Variants in CEP135 observed in about 807,000 individuals in gnomAD.
CEP135 encodes centrosomal protein 135, also known as centrosomal protein of 135 kDa.
CEP135 carries 142 observed loss-of-function variants against 157.3 expected under a neutral mutation model. The ratio of observed to expected loss-of-function variants is 0.90; its 90% CI spans 0.79 to 1.04. The LOEUF (loss-of-function observed/expected upper bound fraction) is 1.04. CEP135 is among the 50% of genes least tolerant of loss of function. The probability of loss-of-function intolerance (pLI) is 0.00; values close to 1 mark genes in which losing one functional copy is unlikely to be tolerated. For synonymous variants in CEP135, 396 were observed against 439.8 expected, an observed-to-expected ratio of 0.90 and a Z score of 1.25; for missense variants, 1,317 against 1,309.2, an observed-to-expected ratio of 1.01 and a Z score of -0.09.
intron 14 of CEP135, among the ~76,000 whole-genome samples, chr4:55,987,557 C>T (rs1445912104): frequency 6.6e-6 from 1 of 152,096 alleles, no homozygotes; most frequent in Non-Finnish European, 1.5e-5. Context: ...CATTTGTTTC[C>T]TGTCTCTCAG....
In CEP135 at chr4:55,951,961, A is replaced by G. The variant is rs542394333; in HGVS notation, c.-45-125A>G. ...CATTGGCTTTAAATCTGAATTTTCC[A>G]GAAGGCTACCTACCTGAAGAAAAAC... On this transcript the variant is annotated intron_variant, in intron 1 of 25. Transcript: ENST00000257287. The G allele has an allele frequency of 3.2e-4, 147 of 456,536 alleles. 2 individuals carry two copies. The highest frequency in any genetic ancestry group is 6.3e-4 in the Admixed American group (17 of 26,886). 28.3% of individuals were successfully genotyped at this position (456,536 alleles called of 1,614,324 possible). A position where few individuals can be genotyped will look rare whatever the true frequency, so the allele number is the denominator to read the frequency against.
intron 17 of CEP135, among the ~76,000 whole-genome samples, chr4:56,001,511 A>G (rs917270969): frequency 6.6e-6 from 1 of 152,164 alleles, no homozygotes; most frequent in African/African-American, 2.4e-5. Context: ...TATTGAAAAG[A>G]CTGCCCTGTC....
At position 55,999,501 on chromosome 4, in the gene CEP135, C is replaced by A; in HGVS notation, c.2136C>A (p.Asn712Lys). 6.2e-7 allele frequency: 1 copy of A among 1,611,558 alleles called. No homozygotes were observed. Among genetic ancestry groups the A allele is most frequent in the Non-Finnish European group, 8.5e-7 (1 of 1,179,466 alleles). Residue 712 changes from asparagine (N) to lysine (K), a missense_variant, in exon 17 of 26, where the codon AAC (asparagine) becomes AAA (lysine). Physicochemically the swap from Asn to Lys is moderately conservative, Grantham distance 94 (BLOSUM62 0). Coordinates refer to ENST00000257287, the MANE Select transcript of CEP135 (RefSeq NM_025009.5). ...KILEEKIDEL[N>K]LKMTSQDEEA... ...TCTTTTCATTTGTAGATGAACTAAA[C>A]CTTAAGATGACTTCACAGGATGAGG...
intron 5 of CEP135, 99 bp downstream of exon 5, chr4:55,957,463 C>A: frequency 9.3e-7 from 1 of 1,078,644 alleles, no homozygotes; most frequent in Non-Finnish European, 1.3e-6. Context: ...ACTGTTGTGT[C>A]TCCAGTGTCT....
At chr4:55,960,068 T>G (rs974583040) in intron 6 of CEP135, 7 of 489,084 alleles carry the variant, frequency 1.4e-5, no homozygotes, top group Non-Finnish European at 2.5e-5. Context: ...TCGATTCTCT[T>G]CACTATTCAT....
At chr4:56,014,215 A>G (rs552146248) in intron 21 of CEP135, among the ~76,000 whole-genome samples, 1 of 152,376 alleles carries the variant, frequency 6.6e-6, no homozygotes, top group East Asian at 1.9e-4. Context: ...AAACTAATAC[A>G]GATTATAGCA....
chr4:55,973,675 A>G (rs1729098834), intron 10 of CEP135, among the ~76,000 whole-genome samples: 1 of 152,026 alleles, frequency 6.6e-6, no homozygotes, highest in African/African-American at 2.4e-5. Flanking sequence ...CACCCATTCC[A>G]ATACAAAAAC....
chr4:55,976,114 C>A (rs1006582165), intron 11 of CEP135, among the ~76,000 whole-genome samples: 1 of 151,750 alleles, frequency 6.6e-6, no homozygotes, highest in African/African-American at 2.4e-5. Context: ...ATTAGCTGAG[C>A]ATAGTGGCAT....
chr4:56,020,904 C>A (rs968932761), intron 24 of CEP135, 124 bp downstream of exon 24: 3 of 640,168 alleles, frequency 4.7e-6, no homozygotes, highest in Admixed American at 6.6e-5. Context: ...AAGTACATTT[C>A]TTTGGTAATT....
In CEP135 at chr4:56,009,893, G is replaced by C. The variant is rs776179703; in HGVS notation, c.2495G>C (p.Arg832Thr). ...RLQDDLATMA[R>T]ENQEISLELE... ...CAAGATGACCTGGCTACAATGGCAA[G>C]AGAAAATCAAGTATGAACACAAGGC... The change falls in exon 19 of 26, where the codon AGA becomes ACA. Residue 832 changes from arginine (R) to threonine (T), a missense_variant. Coordinates refer to ENST00000257287, the MANE Select transcript of CEP135 (RefSeq NM_025009.5). 1.2e-6 allele frequency: 2 copies of C among 1,612,884 alleles called. No homozygotes were observed. Among genetic ancestry groups the C allele is most frequent in the South Asian group, 2.2e-5 (2 of 90,590 alleles).
At chr4:55,963,054 A>C (rs1728733381) in intron 6 of CEP135, among the ~76,000 whole-genome samples, 1 of 152,016 alleles carries the variant, frequency 6.6e-6, no homozygotes, top group South Asian at 2.1e-4. Context: ...TGGTAGCATC[A>C]ATGTTTGCCC....
At position 55,971,480 on chromosome 4, in the gene CEP135, TATTC is replaced by T. The variant is rs890782163; in HGVS notation, c.1249+90_1249+93del. The stretch of plus-strand genomic sequence containing the variant: ...TTGATGTATTGTTTTTCTTAGTAGA[TATTC>T]ATTCATTCATTCATTCAATAAATAT... On this transcript the variant is annotated intron_variant, in intron 10 of 25. Transcript: ENST00000257287. The T allele has an allele frequency of 1.6e-4, 212 of 1,355,012 alleles. No individual in the cohort carries two copies. The Middle Eastern group carries it at 2.8e-3, about 18-fold the overall frequency. The allele number at this position is 1,355,012 out of a possible 1,614,324, so 83.9% of individuals were successfully genotyped here.
Position 55,992,160 on chromosome 4 carries a change from A to C in CEP135, c.2009+75A>C, listed in dbSNP as rs899612858. 2.1e-6 allele frequency: 3 copies of C among 1,418,478 alleles called. No homozygotes were observed. In the African/African-American group the frequency reaches 4.4e-5, roughly 21 times the overall value. The allele number at this position is 1,418,478 out of a possible 1,614,324, so 87.9% of individuals were successfully genotyped here. ...GTTATGTAAAGTTTATAATCATGGC[A>C]TTTTGGACTGGGCCTTTGTGCAGTA... On this transcript the variant is annotated intron_variant, in intron 15 of 25. Coordinates refer to ENST00000257287, the MANE Select transcript of CEP135 (RefSeq NM_025009.5).
intron 11 of CEP135, among the ~76,000 whole-genome samples, chr4:55,977,455 A>G (rs1729260818): frequency 6.6e-6 from 1 of 152,198 alleles, no homozygotes; most frequent in South Asian, 2.1e-4. Flanking sequence ...TGGAGAAGTT[A>G]CCTAACTTCA....
At chr4:56,005,133 A>G (rs1279556157) in intron 17 of CEP135, among the ~76,000 whole-genome samples, 1 of 152,184 alleles carries the variant, frequency 6.6e-6, no homozygotes, top group East Asian at 1.9e-4. Context: ...AACTTACCTT[A>G]GGTTACACAC....
At chr4:55,994,090 AAGTCT>A (rs1391669411) in intron 15 of CEP135, among the ~76,000 whole-genome samples, 2 of 152,210 alleles carry the variant, frequency 1.3e-5, no homozygotes, top group South Asian at 4.1e-4. Context: ...CATTGAATCC[AAGTCT>A]AAAGCGAAAC....
chr4:55,985,774 A>ATACAAT (rs921092775), intron 14 of CEP135, among the ~76,000 whole-genome samples: 12 of 152,034 alleles, frequency 7.9e-5, no homozygotes, highest in Non-Finnish European at 1.0e-4. Flanking sequence ...ACACTGTTTT[A>ATACAAT]TACAATTACA....
At chr4:56,015,662 C>A (rs1429146963) in intron 21 of CEP135, among the ~76,000 whole-genome samples, 2 of 152,190 alleles carry the variant, frequency 1.3e-5, no homozygotes, top group African/African-American at 4.8e-5. Context: ...TACAGTGGGA[C>A]TTCTATGGTA....
chr4:56,023,292 C>T (rs1731029171), intron 24 of CEP135, among the ~76,000 whole-genome samples: 1 of 151,536 alleles, frequency 6.6e-6, no homozygotes, highest in Admixed American at 6.6e-5. Context: ...GAAAAGGATC[C>T]AGTAACAGAG....
Sources: gnomAD v4.1 joint callset for allele counts (sites outside exome capture counted in the v4.1 genomes callset) on GRCh38, gnomAD v4.1.1 for gene constraint, MANE v1.5 for transcripts, NCBI Gene and HGNC (gene_info 2026-07-23, HGNC 2026-07-21) for gene names.